Variants in SEC13 observed in about 807,000 individuals in gnomAD.
SEC13 encodes the protein SEC13 homolog, nuclear pore and COPII component.
A neutral mutation model predicts 49.2 loss-of-function variants in SEC13; 25 were observed. That is an observed-to-expected ratio of 0.51 (90% CI 0.37 to 0.71). The LOEUF is 0.71. SEC13 is among the 30% of genes least tolerant of loss of function. The pLI is 0.00. For missense variants in SEC13, 383 were observed against 417.6 expected (o/e 0.92, Z 0.72); for synonymous variants, 148 against 163.9 (o/e 0.90, Z 0.74).
chr3:10,320,436 TAAA>T, intron 1 of SEC13: 1 of 819,394 alleles, frequency 1.2e-6, no homozygotes, highest in Non-Finnish European at 1.5e-6. Context: ...CACAGAGACT[TAAA>T]AAACCCTGAG....
chr3:10,304,826 G>GTAGC (rs1179519118), intron 7 of SEC13, among the ~76,000 whole-genome samples: 1 of 152,188 alleles, frequency 6.6e-6, no homozygotes, highest in Non-Finnish European at 1.5e-5. Context: ...CGGTTCTGTT[G>GTAGC]TAGCTGTCTC....
intron 8 of SEC13, chr3:10,303,820 T>C (rs1700692577): frequency 3.3e-6 from 2 of 607,490 alleles, no homozygotes; most frequent in African/African-American, 3.7e-5. Context: ...GTCAGCTTCT[T>C]TCCTCATCTG....
chr3:10,309,673 G>C (rs1364553087), intron 5 of SEC13, among the ~76,000 whole-genome samples: 1 of 152,226 alleles, frequency 6.6e-6, no homozygotes, highest in Non-Finnish European at 1.5e-5. Context: ...GCTTGGCTCG[G>C]TTATGTGGGC....
intron 8 of SEC13, among the ~76,000 whole-genome samples, chr3:10,302,092 C>T (rs1700565935): frequency 6.6e-6 from 1 of 151,906 alleles, no homozygotes; most frequent in African/African-American, 2.4e-5. Flanking sequence ...AAAATACACA[C>T]AAAAAAACTA....
At chr3:10,301,461 A>G in intron 8 of SEC13, 87 bp from the exon 9 acceptor site, 1 of 1,544,504 alleles carries the variant, frequency 6.5e-7, no homozygotes, top group Non-Finnish European at 8.8e-7. Flanking sequence ...CTCATCAAGA[A>G]CCACTGCCCA....
chr3:10,304,842 A>G (rs1700766105), intron 7 of SEC13, among the ~76,000 whole-genome samples, 191 bp downstream of exon 7: 1 of 152,168 alleles, frequency 6.6e-6, no homozygotes, highest in African/African-American at 2.4e-5. Context: ...GTCTCATCTC[A>G]GTGGAGGCAG....
intron 3 of SEC13, among the ~76,000 whole-genome samples, chr3:10,314,698 A>G (rs1701493703): frequency 6.6e-6 from 1 of 152,252 alleles, no homozygotes; most frequent in South Asian, 2.1e-4. Flanking sequence ...AGATGTGGCC[A>G]TAAAAATGAG....
chr3:10,304,794 G>T (rs1004224541), intron 7 of SEC13, among the ~76,000 whole-genome samples: 4 of 152,276 alleles, frequency 2.6e-5, no homozygotes, highest in African/African-American at 9.6e-5. Context: ...AATTCATCCC[G>T]AATCCGCCTC....
rs1701343831 is a variant in SEC13, at chr3:10,312,569, C to G, written c.316+10G>C. On this transcript the variant is annotated intron_variant, in intron 4 of 8. Transcript: ENST00000350697. ...TCCCCTTGCCCGCTCTGCTGCCAAGCTCAGCATACCTGAGGAGTCGTGTCC... is the reference window on the plus strand; with the variant it reads ...TCCCCTTGCCCGCTCTGCTGCCAAGGTCAGCATACCTGAGGAGTCGTGTCC... 12 of 1,613,908 alleles carry G rather than the reference C, an allele frequency of 7.4e-6. No individual in the cohort carries two copies. The highest frequency in any genetic ancestry group is 1.0e-5 in the Non-Finnish European group (12 of 1,179,848).
chr3:10,317,559 G>T (rs1481703662), intron 2 of SEC13, among the ~76,000 whole-genome samples: 1 of 151,994 alleles, frequency 6.6e-6, no homozygotes, highest in East Asian at 1.9e-4. Flanking sequence ...GGTTCAAAGG[G>T]CCTTGTCTGG....
intron 1 of SEC13, chr3:10,319,316 T>C: frequency 6.3e-7 from 1 of 1,581,284 alleles, no homozygotes; most frequent in South Asian, 1.2e-5. Context: ...GTCCCCGAAG[T>C]CTGCAAAGGC....
At chr3:10,305,404 T>C in intron 6 of SEC13, 155 bp downstream of exon 6, 1 of 1,108,122 alleles carries the variant, frequency 9.0e-7, no homozygotes, top group Admixed American at 2.4e-5. Flanking sequence ...GTGTTGTTTT[T>C]CAAGGATGTC....
chr3:10,319,009 T>C (rs1200242989), intron 1 of SEC13: 1 of 841,022 alleles, frequency 1.2e-6, no homozygotes, highest in Non-Finnish European at 1.8e-6. Flanking sequence ...TCAGCGACTA[T>C]TTGCTGAATG....
intron 1 of SEC13, among the ~76,000 whole-genome samples, chr3:10,319,864 CGG>C (rs1491331535): frequency 4.8e-4 from 18 of 37,880 alleles, no homozygotes; most frequent in Admixed American, 9.2e-4. Context: ...GGAGGAAGGG[CGG>C]GAGAGAAAGG....
intron 2 of SEC13, among the ~76,000 whole-genome samples, chr3:10,317,669 AC>A (rs1701689117): frequency 6.9e-6 from 1 of 144,310 alleles, no homozygotes; most frequent in African/African-American, 2.6e-5. Flanking sequence ...TCTTCTTTTC[AC>A]CCCCCTTTCC....
chr3:10,310,279 C>T (rs908978170), intron 5 of SEC13, among the ~76,000 whole-genome samples: 1 of 152,080 alleles, frequency 6.6e-6, no homozygotes, highest in Admixed American at 6.6e-5. Context: ...TCACTTGAGG[C>T]CAGGAGTTTG....
intron 3 of SEC13, chr3:10,313,085 T>C (rs1030663214): frequency 8.1e-6 from 2 of 246,766 alleles, no homozygotes; most frequent in Admixed American, 4.6e-5. Context: ...CAGCCAGAAG[T>C]GTTCAGGAAA....
Position 10,321,067 on chromosome 3 carries a change from C to G in SEC13, c.-15G>C. ...ACACTCACCATGATTGCGGCGGTGG[C>G]TGCTCCAGGTCTCGGACGTGGCAGC... On this transcript the variant is annotated 5_prime_UTR_variant, in exon 1 of 9. Coordinates refer to ENST00000350697, the MANE Select transcript of SEC13 (RefSeq NM_183352.3). The surrounding 1 kb of genome is among the most constrained non-coding windows in gnomAD (Gnocchi z 4.1). 6.2e-7 allele frequency: 1 copy of G among 1,613,182 alleles called. No homozygotes were observed. Among genetic ancestry groups the G allele is most frequent in the Non-Finnish European group, 8.5e-7 (1 of 1,179,706 alleles).
chr3:10,310,248 T>C (rs1457963601), intron 5 of SEC13, among the ~76,000 whole-genome samples: 1 of 152,146 alleles, frequency 6.6e-6, no homozygotes, highest in Non-Finnish European at 1.5e-5. Flanking sequence ...CCCAGCACTT[T>C]GGGAGGCTGA....
Sources: gnomAD v4.1 joint callset for allele counts (sites outside exome capture counted in the v4.1 genomes callset) on GRCh38, gnomAD v4.1.1 for gene constraint, Gnocchi (gnomAD v3.1) non-coding constraint, MANE v1.5 for transcripts, NCBI Gene and HGNC (gene_info 2026-07-23, HGNC 2026-07-21) for gene names.